The following CHRM3 variants were observed in gnomAD, a reference collection of about 807,000 sequenced individuals.
CHRM3 encodes the protein muscarinic acetylcholine receptor M3.
In CHRM3, 11 loss-of-function variants were observed where a neutral mutation model predicts 41.8. That is an observed-to-expected ratio of 0.26 (90% CI 0.17 to 0.44). CHRM3 has a LOEUF of 0.44. Ranked by LOEUF, CHRM3 falls within the 20% of genes least tolerant of loss-of-function variation. The probability of loss-of-function intolerance (pLI) is 1.00; values close to 1 mark genes in which losing one functional copy is unlikely to be tolerated. For synonymous variants in CHRM3, 297 were observed against 301.4 expected (o/e 0.99, Z 0.15); for missense variants, 571 against 745.4 (o/e 0.77, Z 2.72).
At chr1:239,573,293 C>T (rs1313340814) in intron 3 of CHRM3, among the ~76,000 whole-genome samples, 1 of 152,020 alleles carries the variant, frequency 6.6e-6, no homozygotes, top group Non-Finnish European at 1.5e-5. Context: ...GTTCCTTCTG[C>T]GTGAAGAAAA....
chr1:239,909,126 C>T lies in CHRM3; in HGVS notation c.1675C>T (p.Leu559=), dbSNP rs1350273846. Residue 559 remains leucine (L), a synonymous_variant, in exon 7 of 7, where the codon CTG becomes TTG. Transcript: ENST00000676153. Reference sequence around the variant, plus strand: ...ATTCAGAACCACTTTCAAGATGCTGCTGCTGTGCCAGTGTGACAAAAAAAA... The same window carrying T: ...ATTCAGAACCACTTTCAAGATGCTGTTGCTGTGCCAGTGTGACAAAAAAAA... ...KTFRTTFKML[L]LCQCDKKKRR... 16 of 1,614,112 alleles carry T rather than the reference C, an allele frequency of 9.9e-6. No homozygotes were observed. The highest frequency in any genetic ancestry group is 1.2e-5 in the Non-Finnish European group (14 of 1,180,032).
At chr1:239,688,412 T>G (rs1659360049) in intron 5 of CHRM3, among the ~76,000 whole-genome samples, 1 of 143,794 alleles carries the variant, frequency 7.0e-6, no homozygotes, top group Non-Finnish European at 1.5e-5. Context: ...TAAATATGTA[T>G]ATAAATATAT....
At chr1:239,679,017 G>GGA (rs1658283328) in intron 5 of CHRM3, among the ~76,000 whole-genome samples, 2 of 88,400 alleles carry the variant, frequency 2.3e-5, no homozygotes, top group African/African-American at 8.8e-5. Context: ...ACATAGATAG[G>GGA]TAGATAGATG....
At chr1:239,581,586 A>G (rs1388738849) in intron 3 of CHRM3, among the ~76,000 whole-genome samples, 1 of 152,162 alleles carries the variant, frequency 6.6e-6, no homozygotes, top group Non-Finnish European at 1.5e-5. Flanking sequence ...TTAATTCTGG[A>G]TTATTAATTG....
rs58433814 is a variant in CHRM3 at position 239,531,639 on chromosome 1, ATTTTTTTTTTTTTTTTTT to A, written c.-421-13982_-421-13965del. Among the ~76,000 whole-genome samples the A allele has an allele frequency of 7.1e-3, 396 of 55,912 alleles. 3 individuals are homozygous for A. The highest frequency in any genetic ancestry group is 9.4e-3 in the Non-Finnish European group (317 of 33,818). The allele number at this position is 55,912 out of a possible 152,430, so 36.7% of individuals were successfully genotyped here. A position where few individuals can be genotyped will look rare whatever the true frequency, so the allele number is the denominator to read the frequency against. On this transcript the variant is annotated intron_variant, in intron 2 of 6. Transcript: ENST00000676153. ...ATAAAAACTAATCTCTCTAGAATGG[ATTTTTTTTTTTTTTTTTT>A]TTTTTTTTTTTTTTTTTTTGGAGGC... is the stretch of plus-strand genomic sequence containing the variant.
intron 5 of CHRM3, among the ~76,000 whole-genome samples, chr1:239,801,770 T>C (rs917326329): frequency 6.6e-6 from 1 of 152,194 alleles, no homozygotes; most frequent in Non-Finnish European, 1.5e-5. Flanking sequence ...TTATGAAGAA[T>C]GAATTCTCTA....
chr1:239,624,465 T>C (rs1668810779), intron 3 of CHRM3, among the ~76,000 whole-genome samples: 1 of 105,498 alleles, frequency 9.5e-6, no homozygotes, highest in Non-Finnish European at 1.9e-5. Flanking sequence ...TTCACTCTGA[T>C]GGTAGTTTCT....
chr1:239,499,078 C>T (rs575636718), intron 2 of CHRM3, among the ~76,000 whole-genome samples: 8 of 152,180 alleles, frequency 5.3e-5, no homozygotes, highest in African/African-American at 1.4e-4. Context: ...TCATTCAAGG[C>T]TGGTATCTTT....
At chr1:239,743,756 CTTCTTTTTCTTT>C (rs958765197) in intron 5 of CHRM3, among the ~76,000 whole-genome samples, 10 of 135,270 alleles carry the variant, frequency 7.4e-5, no homozygotes, top group Admixed American at 4.5e-4. Flanking sequence ...CCTCAGTGAT[CTTCTTTTTCTTT>C]TTCTTTTTCT....
intron 3 of CHRM3, among the ~76,000 whole-genome samples, chr1:239,585,066 T>C (rs1331724628): frequency 6.7e-6 from 1 of 149,896 alleles, no homozygotes; most frequent in East Asian, 1.9e-4. Flanking sequence ...TATATATATA[T>C]ATATATATGT....
chr1:239,840,503 G>A (rs1040940170), intron 6 of CHRM3, among the ~76,000 whole-genome samples: 1 of 152,168 alleles, frequency 6.6e-6, no homozygotes, highest in Non-Finnish European at 1.5e-5. Flanking sequence ...ATTCAATTCT[G>A]TGAGCAAGAA....
chr1:239,552,256 GATATGTATCATAT>G (rs1465404479), intron 3 of CHRM3, among the ~76,000 whole-genome samples: 5 of 145,998 alleles, frequency 3.4e-5, no homozygotes. Context: ...ATGTATAGAT[GATATGTATCATAT>G]ATATGTATAG....
At chr1:239,420,493 A>C (rs182159482) in intron 1 of CHRM3, among the ~76,000 whole-genome samples, 1 of 152,296 alleles carries the variant, frequency 6.6e-6, no homozygotes, top group East Asian at 1.9e-4. Context: ...AGGGGTGAGA[A>C]CCACTGAGCT....
intron 2 of CHRM3, among the ~76,000 whole-genome samples, chr1:239,499,781 A>G (rs940300254): frequency 1.3e-5 from 2 of 152,172 alleles, no homozygotes; most frequent in African/African-American, 4.8e-5. Flanking sequence ...TTAACAGCAG[A>G]TTTATCAGCA....
At chr1:239,437,469 C>T (rs1663360692) in intron 1 of CHRM3, among the ~76,000 whole-genome samples, 1 of 152,214 alleles carries the variant, frequency 6.6e-6, no homozygotes, top group Admixed American at 6.5e-5. Context: ...CTCTGGGACA[C>T]AATCTGCTCC....
intron 2 of CHRM3, among the ~76,000 whole-genome samples, chr1:239,520,354 G>C (rs1558285240): frequency 6.6e-6 from 1 of 152,120 alleles, no homozygotes; most frequent in South Asian, 2.1e-4. Context: ...TGATCGGATC[G>C]TGGGGGCGGA....
At chr1:239,404,443 AAAGAAAGAAAG>A (rs1660382342) in intron 1 of CHRM3, among the ~76,000 whole-genome samples, 1 of 127,002 alleles carries the variant, frequency 7.9e-6, no homozygotes, top group African/African-American at 2.9e-5. Context: ...AGAAAGAAAG[AAAGAAAGAAAG>A]AAAGAAAGAA....
chr1:239,710,554 G>A (rs1661667012), intron 5 of CHRM3, among the ~76,000 whole-genome samples: 1 of 152,058 alleles, frequency 6.6e-6, no homozygotes, highest in South Asian at 2.1e-4. Context: ...AGGAGATGAG[G>A]AGGGGACCTG....
chr1:239,392,064 A>C (rs889842819), intron 1 of CHRM3, among the ~76,000 whole-genome samples: 2 of 152,162 alleles, frequency 1.3e-5, no homozygotes, highest in Non-Finnish European at 2.9e-5. Context: ...ACTGGATTTA[A>C]TGTCTGGCCT....
Sources: gnomAD v4.1 joint callset for allele counts (sites outside exome capture counted in the v4.1 genomes callset) on GRCh38, gnomAD v4.1.1 for gene constraint, MANE v1.5 for transcripts, NCBI Gene and HGNC (gene_info 2026-07-23, HGNC 2026-07-21) for gene names.